The following GPR173 variants were observed in gnomAD, a reference collection of about 807,000 sequenced individuals.
GPR173 encodes G protein-coupled receptor 173, also known as probable G protein-coupled receptor 173.
Under a neutral mutation model 13.9 loss-of-function variants are expected in GPR173, and 2 were observed. The observed-to-expected ratio is 0.14, with a 90% CI of 0.06 to 0.45. GPR173 has a LOEUF of 0.45. Ranked by LOEUF, GPR173 falls within the 20% of genes least tolerant of loss-of-function variation. The probability of loss-of-function intolerance (pLI) is 0.98; values close to 1 mark genes in which losing one functional copy is unlikely to be tolerated. For synonymous variants in GPR173, 131 were observed against 141.0 expected (o/e 0.93, Z 0.50); for missense variants, 202 against 340.5 (o/e 0.59, Z 3.20).
rs1932513152 is a variant in GPR173, at chrX:53,080,048, C to G, written c.*2305C>G. 8.2e-6 allele frequency: 1 copy of G among 122,641 alleles called. No homozygotes were observed. The highest frequency in any genetic ancestry group is 1.9e-5 in the Non-Finnish European group (1 of 53,078). The allele number at this position is 122,641 out of a possible 1,213,427, so 10.1% of individuals were successfully genotyped here. ...CCTTCCCAAACTCAAACAAGGTGTT[C>G]CTAAAATTGGACCACCATGGAGAAT... On this transcript the variant is annotated 3_prime_UTR_variant, in exon 2 of 2. Transcript: ENST00000332582.
At position 53,049,062 on chromosome X, in the gene GPR173, G is replaced by C. The variant is rs1219988066; in HGVS notation, c.-520G>C. ...CGGCGGCCAGCAGGCAGACGGAGGG[G>C]GGGGGTGGGGGGTGGGGGGGGTAGG... On this transcript the variant is annotated 5_prime_UTR_variant, in exon 1 of 2. Coordinates refer to ENST00000332582, the MANE Select transcript of GPR173 (RefSeq NM_018969.6). The C allele has an allele frequency of 9.4e-6, 1 of 105,944 alleles. No individual in the cohort carries two copies. Among genetic ancestry groups the C allele is most frequent in the Non-Finnish European group, 2.0e-5 (1 of 50,333 alleles). The allele number at this position is 105,944 out of a possible 1,213,427, so 8.7% of individuals were successfully genotyped here.
intron 1 of GPR173, among the ~76,000 whole-genome samples, chrX:53,074,345 T>G (rs1333433996): frequency 1.4e-5 from 1 of 69,728 alleles, no homozygotes; most frequent in Non-Finnish European, 2.3e-5. Context: ...TATTTATATA[T>G]ATTTATATAT....
intron 1 of GPR173, among the ~76,000 whole-genome samples, chrX:53,059,046 A>G (rs1483881703): frequency 8.4e-5 from 9 of 107,522 alleles, no homozygotes; most frequent in African/African-American, 2.4e-4. Context: ...TCAGGAGATC[A>G]AGACCATCCT....
At chrX:53,056,385 C>T (rs782177218) in intron 1 of GPR173, among the ~76,000 whole-genome samples, 5 of 109,755 alleles carry the variant, frequency 4.6e-5, no homozygotes, top group Non-Finnish European at 7.6e-5. Flanking sequence ...TCTAAGACCG[C>T]GAAGACCTAT....
chrX:53,055,041 G>T (rs1253905478), intron 1 of GPR173, among the ~76,000 whole-genome samples: 14 of 109,854 alleles, frequency 1.3e-4, no homozygotes, highest in African/African-American at 4.7e-4. Flanking sequence ...GTGTGTATGG[G>T]TGGTGTGTGT....
rs1556806057 is a variant in GPR173, at chrX:53,077,564, T to C, written c.943T>C (p.Cys315Arg). The C allele has an allele frequency of 2.5e-6, 3 of 1,210,384 alleles. No homozygotes were observed. Among genetic ancestry groups the C allele is most frequent in the Non-Finnish European group, 3.4e-6 (3 of 894,972 alleles). Residue 315 changes from cysteine to arginine, a missense_variant, in exon 2 of 2, where the codon TGT (cysteine) becomes CGT (arginine). By Grantham distance (180) the Cys-to-Arg change is radical. This residue lies in a region of GPR173 where 76 missense variants were observed against 116.3 expected (regional missense o/e 0.65). Transcript: ENST00000332582. ...CTACTGGCGAGTGTTTGTGAAAGCC[T>C]GTGCTGTGCCCCACCGCTACCTGGC... is the stretch of plus-strand genomic sequence containing the variant. ...ACYWRVFVKA[C>R]AVPHRYLATA... is the part of the protein sequence containing the mutation.
intron 1 of GPR173, among the ~76,000 whole-genome samples, chrX:53,064,129 A>G (rs781824126): frequency 2.7e-5 from 3 of 111,356 alleles, no homozygotes; most frequent in Non-Finnish European, 5.7e-5. Flanking sequence ...GCTCCTCCAT[A>G]TTCTTTCAAC....
chrX:53,072,277 C>G (rs1362952477), intron 1 of GPR173, among the ~76,000 whole-genome samples: 1 of 109,362 alleles, frequency 9.1e-6, no homozygotes, highest in African/African-American at 3.3e-5. Context: ...CTGTCTCTCT[C>G]TCTATCTCTC....
At chrX:53,049,934 G>A (rs1556802467) in intron 1 of GPR173, among the ~76,000 whole-genome samples, 1 of 96,139 alleles carries the variant, frequency 1.0e-5, no homozygotes, top group Non-Finnish European at 2.1e-5. Flanking sequence ...CCTGCTGGCC[G>A]GGTGTGTGTG....
At position 53,056,116 on chromosome X, in the gene GPR173, T is replaced by TG. The variant is rs782776369; in HGVS notation, c.-98+6636dup. On this transcript the variant is annotated intron_variant, in intron 1 of 1. Coordinates refer to ENST00000332582, the MANE Select transcript of GPR173 (RefSeq NM_018969.6). ...TGGTTCAGGTATGAGGGCTCTGAGT[T>TG]GGGGTGGGGTACAAGTTTGAATGTA... is the stretch of plus-strand genomic sequence containing the variant. 1.7e-3 allele frequency among the ~76,000 whole-genome samples: 188 copies of TG among 109,056 alleles called. 3 individuals are homozygous for TG. In the South Asian group the frequency reaches 0.073, roughly 42 times the overall value. The allele number at this position is 109,056 out of a possible 115,157, so 94.7% of individuals were successfully genotyped here.
At chrX:53,060,208 G>A (rs966749019) in intron 1 of GPR173, among the ~76,000 whole-genome samples, 3 of 108,731 alleles carry the variant, frequency 2.8e-5, no homozygotes, top group Admixed American at 9.9e-5. Context: ...GGAGTGCAGC[G>A]GCACCATCTT....
In GPR173 at chrX:53,077,042, G is replaced by A. The variant is rs781944055; in HGVS notation, c.421G>A (p.Ala141Thr). 1.2e-5 allele frequency: 14 copies of A among 1,209,541 alleles called. No homozygotes were observed. The highest frequency in any genetic ancestry group is 3.0e-5 in the East Asian group (1 of 33,850). Residue 141 changes from alanine (A) to threonine (T), a missense_variant, in exon 2 of 2, where the codon GCG (alanine) becomes ACG (threonine). This residue lies in a region of GPR173 where 98 missense variants were observed against 137.2 expected (regional missense o/e 0.71). Coordinates refer to ENST00000332582, the MANE Select transcript of GPR173 (RefSeq NM_018969.6). ...CAAGCGCATGACACTCTGGACATGC[G>A]CGGCTGTCATCTGCATGGCCTGGAC... ...YAKRMTLWTC[A>T]AVICMAWTLS...
chrX:53,064,822 G>A (rs1265125559), intron 1 of GPR173, among the ~76,000 whole-genome samples: 4 of 111,477 alleles, frequency 3.6e-5, no homozygotes, highest in African/African-American at 1.3e-4. Flanking sequence ...CCATTTATGA[G>A]GGAAGAGTCC....
intron 1 of GPR173, among the ~76,000 whole-genome samples, chrX:53,059,590 G>A (rs1342792775): frequency 9.2e-6 from 1 of 108,952 alleles, no homozygotes; most frequent in African/African-American, 3.4e-5. Flanking sequence ...CCAGGAGTTT[G>A]AGACCAGCCT....
rs1556806193 is a variant in GPR173 at position 53,078,254 on chromosome X, A to C, written c.*511A>C. On this transcript the variant is annotated 3_prime_UTR_variant, in exon 2 of 2. Coordinates refer to ENST00000332582, the MANE Select transcript of GPR173 (RefSeq NM_018969.6). ...TTCCAAGTCCTTTAGCAAGGCCTGG[A>C]TGTTTAGGGAGAAAGTGGTCCAAGG... is the stretch of plus-strand genomic sequence containing the variant. 1 of 126,020 alleles carries C rather than the reference A, an allele frequency of 7.9e-6. No individual in the cohort carries two copies. The highest frequency in any genetic ancestry group is 1.8e-5 in the Non-Finnish European group (1 of 55,682). The allele number at this position is 126,020 out of a possible 1,213,427, so 10.4% of individuals were successfully genotyped here.
chrX:53,055,187 G>A (rs781915589), intron 1 of GPR173, among the ~76,000 whole-genome samples: 13 of 110,375 alleles, frequency 1.2e-4, no homozygotes, highest in Middle Eastern at 4.6e-3. Context: ...GTAGGGGTGT[G>A]AGCACGCATG....
At position 53,074,007 on chromosome X, in the gene GPR173, TA is replaced by T. The variant is rs1464618695; in HGVS notation, c.-97-2517del. On this transcript the variant is annotated intron_variant, in intron 1 of 1. Transcript: ENST00000332582. ...TATATAAATATACATAAATATATAT[TA>T]TACATAAATATATATTTATATATAA... Among the ~76,000 whole-genome samples, 50 of 17,605 alleles carry T rather than the reference TA, an allele frequency of 2.8e-3. 4 individuals are homozygous for T. The highest frequency in any genetic ancestry group is 3.5e-3 in the Non-Finnish European group (46 of 13,089). The allele number at this position is 17,605 out of a possible 115,157, so 15.3% of individuals were successfully genotyped here.
chrX:53,059,072 A>T (rs1337708025), intron 1 of GPR173, among the ~76,000 whole-genome samples: 3 of 106,415 alleles, frequency 2.8e-5, no homozygotes, highest in African/African-American at 1.0e-4. Flanking sequence ...ACATGGTGAA[A>T]CCCCGTCTCT....
chrX:53,052,280 ACG>A (rs2146670703), intron 1 of GPR173, among the ~76,000 whole-genome samples: 1 of 111,609 alleles, frequency 9.0e-6, no homozygotes, highest in African/African-American at 3.3e-5. Flanking sequence ...ACACACACAC[ACG>A]CAAAATGCTG....
Sources: allele counts gnomAD v4.1 joint callset (sites outside exome capture counted in the v4.1 genomes callset), GRCh38; gene constraint gnomAD v4.1.1; regional missense constraint gnomAD v4.1.1; transcripts MANE v1.5; gene names NCBI Gene and HGNC (gene_info 2026-07-23, HGNC 2026-07-21).